PIWIL1: variants seen among roughly 807,000 people sequenced by gnomAD.
PIWIL1 encodes piwi like RNA-mediated gene silencing 1.
A neutral mutation model predicts 114.4 loss-of-function variants in PIWIL1; 73 were observed. The observed-to-expected ratio is 0.64, with a 90% CI of 0.53 to 0.78. PIWIL1 has a LOEUF of 0.78. PIWIL1 is among the 30% of genes least tolerant of loss of function. PIWIL1 has a pLI of 0.00. For missense variants in PIWIL1, 723 were observed against 1,063.1 expected, an observed-to-expected ratio of 0.68 and a Z score of 4.45; for synonymous variants, 375 against 369.0, an observed-to-expected ratio of 1.02 and a Z score of -0.19.
the PIWIL1 span, chr12:130,424,285 G>A: frequency 1.6e-6 from 2 of 1,231,836 alleles, no homozygotes; most frequent in South Asian, 4.1e-5. The surrounding 1 kb of genome is among the most constrained non-coding windows in gnomAD (Gnocchi z 9.8). Context: ...CTGGGGGGCG[G>A]CCTCTCCGGG....
chr12:130,354,762 C>T (rs1050618100), intron 10 of PIWIL1, 99 bp downstream of exon 10: 26 of 1,483,458 alleles, frequency 1.8e-5, no homozygotes, highest in African/African-American at 5.6e-5. Flanking sequence ...TCCCTCCCCC[C>T]AGAAAACCTT....
the PIWIL1 span, among the ~76,000 whole-genome samples, chr12:130,404,793 T>G: frequency 6.6e-6 from 1 of 152,186 alleles, no homozygotes; most frequent in Non-Finnish European, 1.5e-5. Context: ...GAGGTGGGAC[T>G]CTTTACAAAA....
chr12:130,338,667 C>CTG (rs1213556318), intron 1 of PIWIL1, among the ~76,000 whole-genome samples: 4 of 47,870 alleles, frequency 8.4e-5, no homozygotes, highest in Non-Finnish European at 1.6e-4. Context: ...ATGCAGGAGC[C>CTG]GGGTGCGGGG....
At chr12:130,382,296 C>T in the PIWIL1 span, among the ~76,000 whole-genome samples, 1 of 152,224 alleles carries the variant, frequency 6.6e-6, no homozygotes, top group Admixed American at 6.5e-5. Context: ...AATCCACTTG[C>T]AGCTCCTAAA....
At chr12:130,397,807 G>A in the PIWIL1 span, 1 of 296,578 alleles carries the variant, frequency 3.4e-6, no homozygotes, top group Non-Finnish European at 6.2e-6. Context: ...CAAAGCTAAG[G>A]CAGGTAATAA....
the PIWIL1 span, among the ~76,000 whole-genome samples, chr12:130,393,803 G>T: frequency 6.6e-6 from 1 of 152,182 alleles, no homozygotes; most frequent in South Asian, 2.1e-4. Context: ...CAAGGCTTTA[G>T]AAAGTCACTT....
chr12:130,363,963 C>T (rs2073586993), intron 18 of PIWIL1, among the ~76,000 whole-genome samples: 3 of 152,134 alleles, frequency 2.0e-5, no homozygotes, highest in African/African-American at 2.4e-5. Context: ...GGATGGTATC[C>T]AGATGCTGCA....
At chr12:130,398,837 G>A in the PIWIL1 span, 92 of 199,406 alleles carry the variant, frequency 4.6e-4, no homozygotes, top group Middle Eastern at 0.015. Context: ...CAGTTAGCTT[G>A]TTAAGAAATA....
In PIWIL1 at chr12:130,363,058, C is replaced by T. The variant is rs374592795; in HGVS notation, c.2109C>T (p.Gly703=). Residue 703 remains glycine (G), a synonymous_variant, in exon 18 of 21, where the codon GGC becomes GGT. Transcript: ENST00000245255. The stretch of plus-strand genomic sequence containing the variant: ...GCCGGATCATCGTGTACCGCGATGG[C>T]GTAGGAGACGGCCAGCTGAAAACAC... The part of the protein sequence containing the change: ...MPSRIIVYRD[G]VGDGQLKTLV... 547 of 1,614,144 alleles carry T rather than the reference C, an allele frequency of 3.4e-4. No homozygotes were observed. Among genetic ancestry groups the T allele is most frequent in the Non-Finnish European group, 4.3e-4 (504 of 1,179,986 alleles).
intron 9 of PIWIL1, among the ~76,000 whole-genome samples, chr12:130,352,433 C>T (rs1481035737): frequency 6.6e-6 from 1 of 152,156 alleles, no homozygotes; most frequent in African/African-American, 2.4e-5. Context: ...AATCCCAGCA[C>T]TCTGGGAGGC....
At chr12:130,412,493 T>A in the PIWIL1 span, 2 of 902,692 alleles carry the variant, frequency 2.2e-6, no homozygotes, top group Non-Finnish European at 3.4e-6. Context: ...TGGTCAACAT[T>A]TACATGACTT....
At chr12:130,351,116 G>T (rs1387972707) in intron 9 of PIWIL1, 1 of 152,152 alleles carries the variant, frequency 6.6e-6, no homozygotes, top group Non-Finnish European at 1.5e-5. Context: ...ATGAGTTGTG[G>T]CATTTTTCTG....
chr12:130,412,499 G>A, the PIWIL1 span: 1 of 930,168 alleles, frequency 1.1e-6, no homozygotes, highest in African/African-American at 1.6e-5. Flanking sequence ...ACATTTACAT[G>A]ACTTTGGCAT....
At chr12:130,343,311 TA>T (rs1040168185) in intron 3 of PIWIL1, among the ~76,000 whole-genome samples, 9 of 152,264 alleles carry the variant, frequency 5.9e-5, no homozygotes, top group East Asian at 3.9e-4. Flanking sequence ...ATAAATGACT[TA>T]AAAAAATGGT....
chr12:130,388,315 C>T, the PIWIL1 span, among the ~76,000 whole-genome samples: 2 of 152,150 alleles, frequency 1.3e-5, no homozygotes, highest in Non-Finnish European at 2.9e-5. Flanking sequence ...AAACCTCACT[C>T]ACACATCACA....
At position 130,367,133 on chromosome 12, in the gene PIWIL1, C is replaced by A. The variant is rs1330874713; in HGVS notation, c.2196C>A (p.Asn732Lys). 2.5e-6 allele frequency: 4 copies of A among 1,613,966 alleles called. No individual in the cohort carries two copies. The change falls in exon 19 of 21, where the codon AAC (asparagine) becomes AAA (lysine). Residue 732 changes from asparagine (N) to lysine (K), a missense_variant and splice_region_variant. Asn to Lys is a moderately conservative substitution (Grantham distance 94). Around this residue, in one of 8 missense-constraint regions of PIWIL1, gnomAD observed 106 missense variants for 182.8 expected, o/e 0.58. Transcript: ENST00000245255. ...DCLKSIGRGY[N>K]PRLTVIVVKK... ...AGTTACATTCATCATCATTTTTAAGCCCTAGACTAACGGTAATTGTGGTGA... is the reference window on the plus strand; with the variant it reads ...AGTTACATTCATCATCATTTTTAAGACCTAGACTAACGGTAATTGTGGTGA...
rs200930825 is a variant in PIWIL1 at position 130,343,006 on chromosome 12, A to G, written c.95A>G (p.Tyr32Cys). The change falls in exon 3 of 21, where the codon TAT becomes TGT. Residue 32 changes from tyrosine to cysteine, a missense_variant. This residue lies in a region of PIWIL1 where 91 missense variants were observed against 76.2 expected (regional missense o/e 1.19). Coordinates refer to ENST00000245255, the MANE Select transcript of PIWIL1 (RefSeq NM_004764.5). The stretch of plus-strand genomic sequence containing the variant: ...TAACTACAGAGTCAGCAACCTGGTT[A>G]TATTCAGCCTAGGCCTCAGCCGCCA... Reference protein sequence around the residue: ...VGSTASQQPGYIQPRPQPPPA... With the variant: ...VGSTASQQPGCIQPRPQPPPA... The G allele has an allele frequency of 2.7e-5, 43 of 1,613,964 alleles. No homozygotes were observed. In the African/African-American group the frequency reaches 3.7e-4, roughly 14 times the overall value.
In PIWIL1 at chr12:130,371,276, A is replaced by G. The variant is rs1466374449; in HGVS notation, c.2422A>G (p.Ile808Val). 1.2e-6 allele frequency: 2 copies of G among 1,614,130 alleles called. No individual in the cohort carries two copies. The highest frequency in any genetic ancestry group is 1.7e-5 in the Admixed American group (1 of 60,004). The change falls in exon 20 of 21, where the codon ATA becomes GTA. Residue 808 changes from isoleucine to valine, a missense_variant. Ile to Val is a conservative substitution (Grantham distance 29). Around this residue, in one of 8 missense-constraint regions of PIWIL1, gnomAD observed 106 missense variants for 182.8 expected, o/e 0.58. Transcript: ENST00000245255. The stretch of plus-strand genomic sequence containing the variant: ...CAACAGCGGCCTGAAGCCAGACCAC[A>G]TACAGCGCTTGACCTACAAGCTGTG... ...YDNSGLKPDHIQRLTYKLCHI... is the reference protein window; with the variant it reads ...YDNSGLKPDHVQRLTYKLCHI...
intron 19 of PIWIL1, among the ~76,000 whole-genome samples, chr12:130,368,398 T>C (rs561381760): frequency 7.4e-4 from 113 of 152,292 alleles, no homozygotes; most frequent in African/African-American, 2.7e-3. Flanking sequence ...TGGAAAATGA[T>C]AATAGCATAC....
Sources: allele counts gnomAD v4.1 joint callset (sites outside exome capture counted in the v4.1 genomes callset), GRCh38; gene constraint gnomAD v4.1.1; regional missense constraint gnomAD v4.1.1; non-coding constraint Gnocchi (gnomAD v3.1); transcripts MANE v1.5; gene names NCBI Gene and HGNC (gene_info 2026-07-23, HGNC 2026-07-21).